Variants in MTTP observed in about 807,000 individuals in gnomAD.
The protein encoded by MTTP is microsomal triglyceride transfer protein, also known as microsomal triglyceride transfer protein large subunit.
MTTP carries 49 observed loss-of-function variants against 90.6 expected under a neutral mutation model. The ratio of observed to expected loss-of-function variants is 0.54; its 90% CI spans 0.43 to 0.69. The LOEUF (loss-of-function observed/expected upper bound fraction) is 0.69. MTTP is among the 30% of genes least tolerant of loss of function. The pLI, the probability that MTTP is intolerant of heterozygous loss-of-function variation, is 0.00. For missense variants in MTTP, 945 were observed against 1,067.5 expected, an observed-to-expected ratio of 0.89 and a Z score of 1.60; for synonymous variants, 347 against 384.2, an observed-to-expected ratio of 0.90 and a Z score of 1.13.
chr4:99,596,673 C>T (rs749360096), intron 7 of MTTP, among the ~76,000 whole-genome samples: 2 of 152,128 alleles, frequency 1.3e-5, no homozygotes, highest in Non-Finnish European at 2.9e-5. Context: ...CAGCAGTTCT[C>T]ATTATTTTAT....
At chr4:99,579,711 T>A (rs1263540025) in intron 1 of MTTP, among the ~76,000 whole-genome samples, 3 of 152,124 alleles carry the variant, frequency 2.0e-5, no homozygotes, top group Non-Finnish European at 2.9e-5. Flanking sequence ...GGTAGAAAAT[T>A]TACAAAGGGT....
At chr4:99,616,927 G>C (rs1415814458) in intron 15 of MTTP, among the ~76,000 whole-genome samples, 1 of 152,168 alleles carries the variant, frequency 6.6e-6, no homozygotes, top group Non-Finnish European at 1.5e-5. Context: ...TTGGTGGGAA[G>C]GCCAAGATCC....
chr4:99,576,939 T>C (rs887482519), intron 1 of MTTP, among the ~76,000 whole-genome samples: 6 of 152,156 alleles, frequency 3.9e-5, no homozygotes, highest in Admixed American at 3.3e-4. Context: ...AGATATGGCA[T>C]GTGGATACAT....
chr4:99,583,231 G>A, intron 2 of MTTP, 143 bp from the exon 3 acceptor site: 1 of 932,034 alleles, frequency 1.1e-6, no homozygotes, highest in Non-Finnish European at 1.6e-6. Context: ...TGAGTGGCAA[G>A]GTCCTATAAA....
intron 15 of MTTP, among the ~76,000 whole-genome samples, chr4:99,614,467 A>G (rs1726049535): frequency 6.6e-6 from 1 of 152,244 alleles, no homozygotes; most frequent in African/African-American, 2.4e-5. Flanking sequence ...AGCTCAGGAT[A>G]GCTGTATATA....
chr4:99,605,680 A>C (rs1315362516), intron 10 of MTTP, among the ~76,000 whole-genome samples: 1 of 152,184 alleles, frequency 6.6e-6, no homozygotes. Context: ...ATTTATGAAA[A>C]GGCCTATTTC....
chr4:99,621,266 A>G, intron 17 of MTTP, 35 bp downstream of exon 17: 1 of 1,607,750 alleles, frequency 6.2e-7, no homozygotes, highest in Non-Finnish European at 8.5e-7. Context: ...TTCCAGGACC[A>G]TCCCCAGTGC....
intron 1 of MTTP, chr4:99,564,384 C>G: frequency 1.3e-6 from 1 of 773,596 alleles, no homozygotes; most frequent in Non-Finnish European, 1.9e-6. Flanking sequence ...ATTACCATAT[C>G]ACATGATTTT....
chr4:99,583,481 G>C lies in MTTP; in HGVS notation c.357G>C (p.Leu119=). ...KIMGKENLEA[L]QRPTLLHLIH... is the part of the protein sequence containing the mutation. Reference sequence around the variant, plus strand: ...TGGGAAAGGAAAACTTGGAAGCTCTGCAAAGACCTACGCTCCTTCATCTAA... The same window carrying C: ...TGGGAAAGGAAAACTTGGAAGCTCTCCAAAGACCTACGCTCCTTCATCTAA... The change falls in exon 3 of 18, where the codon CTG becomes CTC. Residue 119 remains leucine (L), a synonymous_variant. Transcript: ENST00000265517. 6.2e-7 allele frequency: 1 copy of C among 1,613,628 alleles called. No individual in the cohort carries two copies.
upstream of MTTP, among the ~76,000 whole-genome samples, chr4:99,574,265 A>T (rs1578229703): frequency 6.6e-6 from 1 of 152,360 alleles, no homozygotes; most frequent in African/African-American, 2.4e-5. Context: ...AGTTTCACAC[A>T]TAAGGACAAT....
At chr4:99,587,892 C>T (rs1200857694) in intron 3 of MTTP, among the ~76,000 whole-genome samples, 3 of 152,072 alleles carry the variant, frequency 2.0e-5, no homozygotes, top group Non-Finnish European at 1.5e-5. Flanking sequence ...GAAACTCAGG[C>T]TTGGGTCTGA....
rs771045260 is a variant in MTTP, at chr4:99,589,762, T to C, written c.501+12T>C. 2.8e-6 allele frequency: 4 copies of C among 1,453,026 alleles called. No homozygotes were observed. The highest frequency in any genetic ancestry group is 3.9e-6 in the Non-Finnish European group (4 of 1,035,562). The allele number at this position is 1,453,026 out of a possible 1,614,324, so 90.0% of individuals were successfully genotyped here. A position where few individuals can be genotyped will look rare whatever the true frequency, so the allele number is the denominator to read the frequency against. On this transcript the variant is annotated intron_variant, in intron 4 of 17. Coordinates refer to ENST00000265517, the MANE Select transcript of MTTP (RefSeq NM_001386140.1). Reference sequence around the variant, plus strand: ...GAACCACCAATGAGGTACTTACCAATATTAATAAGGATTCAGCATCTCAAT... The same window carrying C: ...GAACCACCAATGAGGTACTTACCAACATTAATAAGGATTCAGCATCTCAAT...
At chr4:99,576,418 G>A (rs865791956) in intron 1 of MTTP, among the ~76,000 whole-genome samples, 13 of 152,064 alleles carry the variant, frequency 8.5e-5, no homozygotes, top group South Asian at 4.1e-4. Flanking sequence ...ATTTAAGGCC[G>A]GGCGTGGTGG....
chr4:99,571,256 A>T (rs1445341527), upstream of MTTP, among the ~76,000 whole-genome samples: 1 of 151,968 alleles, frequency 6.6e-6, no homozygotes, highest in Admixed American at 6.6e-5. Context: ...TCATAAATGT[A>T]ATTGTTGTAT....
At chr4:99,586,015 C>G (rs559613607) in intron 3 of MTTP, among the ~76,000 whole-genome samples, 4 of 152,058 alleles carry the variant, frequency 2.6e-5, no homozygotes, top group Non-Finnish European at 4.4e-5. Context: ...TCTTAGAGAG[C>G]ATTTTCTACC....
chr4:99,620,125 T>C (rs71612702), intron 16 of MTTP, among the ~76,000 whole-genome samples: 10,639 of 152,234 alleles, frequency 0.07, 609 homozygotes, highest in African/African-American at 0.15. Context: ...CACTTGTTCA[T>C]TTGAAAAAAA....
At chr4:99,592,592 C>A (rs980839229) in intron 6 of MTTP, among the ~76,000 whole-genome samples, 12 of 144,418 alleles carry the variant, frequency 8.3e-5, no homozygotes, top group Admixed American at 6.8e-4. Flanking sequence ...TTAGCCTCGG[C>A]CTACACAAGG....
chr4:99,568,147 TCAC>T (rs1412564202), intron 1 of MTTP, among the ~76,000 whole-genome samples: 3 of 151,888 alleles, frequency 2.0e-5, no homozygotes, highest in Non-Finnish European at 4.4e-5. Context: ...ACACATATAT[TCAC>T]CATTGTACTG....
At chr4:99,589,780 A>G (rs759504728) in intron 4 of MTTP, 30 bp downstream of exon 4, 9 of 1,339,486 alleles carry the variant, frequency 6.7e-6, no homozygotes, top group Non-Finnish European at 9.6e-6. Context: ...AGGATTCAGC[A>G]TCTCAATAAA....
Sources: allele counts gnomAD v4.1 joint callset (sites outside exome capture counted in the v4.1 genomes callset), GRCh38; gene constraint gnomAD v4.1.1; transcripts MANE v1.5; gene names NCBI Gene and HGNC (gene_info 2026-07-23, HGNC 2026-07-21).